The following MAML2 variants were observed in gnomAD, a reference collection of about 807,000 sequenced individuals.
MAML2 encodes the protein mastermind like transcriptional coactivator 2.
Under a neutral mutation model 96.1 loss-of-function variants are expected in MAML2, and 22 were observed. The observed-to-expected ratio is 0.23, with a 90% confidence interval of 0.16 to 0.33. The LOEUF (loss-of-function observed/expected upper bound fraction) is 0.33. MAML2 is among the 10% of genes least tolerant of loss of function. The probability of loss-of-function intolerance (pLI) is 1.00; values close to 1 mark genes in which losing one functional copy is unlikely to be tolerated. For synonymous variants in MAML2, 561 were observed against 521.3 expected (o/e 1.08, Z -1.04); for missense variants, 1,367 against 1,392.4 (o/e 0.98, Z 0.29).
rs371771349 is a variant in MAML2 at position 96,341,443 on chromosome 11, G to A, written c.453C>T (p.Asn151=). Residue 151 remains asparagine (N), a synonymous_variant, in exon 1 of 5, where the codon AAC becomes AAT. Coordinates refer to ENST00000524717, the MANE Select transcript of MAML2 (RefSeq NM_032427.4). ...TTGAAGCGGGCGGCTGCTGCTCTCCGTTTATCCCACCACTGCCACCATTAT... is the reference window on the plus strand; with the variant it reads ...TTGAAGCGGGCGGCTGCTGCTCTCCATTTATCCCACCACTGCCACCATTAT... ...SSNNGGSGGI[N]GEQQPPASTP... 2.6e-6 allele frequency: 4 copies of A among 1,550,644 alleles called. 1 individual carries two copies. The South Asian group carries it at 4.8e-5, about 18-fold the overall frequency.
intron 1 of MAML2, among the ~76,000 whole-genome samples, chr11:96,173,048 T>C (rs1347830912): frequency 6.6e-6 from 1 of 152,212 alleles, no homozygotes; most frequent in Non-Finnish European, 1.5e-5. Context: ...ATCATGATCG[T>C]TTTTGGCATT....
At chr11:96,322,657 A>C (rs369994838) in intron 1 of MAML2, among the ~76,000 whole-genome samples, 1 of 152,156 alleles carries the variant, frequency 6.6e-6, no homozygotes, top group South Asian at 2.1e-4. Flanking sequence ...GCGCCACTGC[A>C]CTCCACCCTG....
intron 2 of MAML2, among the ~76,000 whole-genome samples, chr11:96,064,584 C>T (rs1363198001): frequency 6.6e-6 from 1 of 152,130 alleles, no homozygotes; most frequent in Non-Finnish European, 1.5e-5. Context: ...GGGATCTTTC[C>T]ACCTCAGTAT....
chr11:96,335,278 T>A (rs1482692227), intron 1 of MAML2, among the ~76,000 whole-genome samples: 3 of 152,226 alleles, frequency 2.0e-5, no homozygotes, highest in Non-Finnish European at 4.4e-5. Flanking sequence ...TTGTTCATGA[T>A]TTTTTTAATA....
At position 96,091,873 on chromosome 11, in the gene MAML2, G is replaced by C. The variant is rs77959876; in HGVS notation, c.2139+19C>G. On this transcript the variant is annotated intron_variant, in intron 2 of 4. Coordinates refer to ENST00000524717, the MANE Select transcript of MAML2 (RefSeq NM_032427.4). ...AATGGTCTCTGGGAACTCTGTATTT[G>C]GAGTAGTAGAGCCCTTACCTGTCTC... 1.9e-6 allele frequency: 3 copies of C among 1,603,660 alleles called. No individual in the cohort carries two copies. In the East Asian group the frequency reaches 6.7e-5, roughly 36 times the overall value.
chr11:96,188,595 G>C (rs1458866074), intron 1 of MAML2, among the ~76,000 whole-genome samples: 1 of 151,906 alleles, frequency 6.6e-6, no homozygotes, highest in Non-Finnish European at 1.5e-5. Context: ...TTTTGAAAAC[G>C]TTAAGTCCTT....
chr11:96,276,080 A>G (rs1162197591), intron 1 of MAML2, among the ~76,000 whole-genome samples: 1 of 152,224 alleles, frequency 6.6e-6, no homozygotes, highest in Non-Finnish European at 1.5e-5. Context: ...GGATTTTGCT[A>G]TCTCATGTCC....
At chr11:96,276,799 C>T (rs1862994168) in intron 1 of MAML2, among the ~76,000 whole-genome samples, 1 of 143,688 alleles carries the variant, frequency 7.0e-6, no homozygotes. Flanking sequence ...TTCCTCCTCT[C>T]CATAGCTTCT....
At chr11:96,071,361 T>A (rs1188586595) in intron 2 of MAML2, among the ~76,000 whole-genome samples, 2 of 152,274 alleles carry the variant, frequency 1.3e-5, no homozygotes, top group South Asian at 2.1e-4. Flanking sequence ...AGGAAAGAGC[T>A]GTGTGGAAAA....
intron 1 of MAML2, among the ~76,000 whole-genome samples, chr11:96,215,368 C>T (rs1483968546): frequency 6.6e-6 from 1 of 152,202 alleles, no homozygotes; most frequent in African/African-American, 2.4e-5. Context: ...CAGCATATAA[C>T]ACAGAAGATT....
At chr11:96,128,692 C>T (rs572079257) in intron 1 of MAML2, among the ~76,000 whole-genome samples, 11 of 152,156 alleles carry the variant, frequency 7.2e-5, no homozygotes, top group East Asian at 3.9e-4. Context: ...TTCATAAACA[C>T]GTAAATAACT....
chr11:96,087,377 A>G (rs1244715625), intron 2 of MAML2, among the ~76,000 whole-genome samples: 1 of 152,210 alleles, frequency 6.6e-6, no homozygotes, highest in African/African-American at 2.4e-5. Context: ...TTAAAAGATA[A>G]ATGGTGAAAT....
At chr11:96,326,809 T>G (rs976391550) in intron 1 of MAML2, among the ~76,000 whole-genome samples, 1 of 150,886 alleles carries the variant, frequency 6.6e-6, no homozygotes, top group African/African-American at 2.5e-5. Flanking sequence ...AAAAAAACTA[T>G]CTTGAGTTTA....
intron 2 of MAML2, among the ~76,000 whole-genome samples, chr11:96,034,408 A>AGT (rs5793773): frequency 0.23 from 28,842 of 125,232 alleles, 3,586 homozygotes; most frequent in East Asian, 0.6. Context: ...AATACTTTGA[A>AGT]GTGTGTGTGT....
At position 96,004,450 on chromosome 11, in the gene MAML2, A is replaced by AC. The variant is rs35322852; in HGVS notation, c.2140-12728_2140-12727insG. Among the ~76,000 whole-genome samples, 500 of 152,212 alleles carry AC rather than the reference A, an allele frequency of 3.3e-3. 1 individual carries two copies. The highest frequency in any genetic ancestry group is 5.5e-3 in the Non-Finnish European group (377 of 67,986). Reference sequence around the variant, plus strand: ...TATATGATCTCTCCTTTGGGAATAAAAAAAACCCAGTATGTAATTTTGACT... The same window carrying AC: ...TATATGATCTCTCCTTTGGGAATAAACAAAAACCCAGTATGTAATTTTGACT... On this transcript the variant is annotated intron_variant, in intron 2 of 4. Transcript: ENST00000524717.
At position 96,034,852 on chromosome 11, in the gene MAML2, T is replaced by C. The variant is rs1858686957; in HGVS notation, c.2140-43129A>G. Among the ~76,000 whole-genome samples the C allele has an allele frequency of 2.6e-5, 4 of 152,296 alleles. No individual in the cohort carries two copies. The South Asian group carries it at 8.3e-4, about 32-fold the overall frequency. The stretch of plus-strand genomic sequence containing the variant: ...GGTCAGAGTTATTGGTTTGATCATA[T>C]AGGGCCAGTTAGCTTTTTCTTGGAC... On this transcript the variant is annotated intron_variant, in intron 2 of 4. Transcript: ENST00000524717.
At position 96,092,634 on chromosome 11, in the gene MAML2, G is replaced by A; in HGVS notation, c.1397C>T (p.Ser466Phe). 6.2e-7 allele frequency: 1 copy of A among 1,613,666 alleles called. No homozygotes were observed. Among genetic ancestry groups the A allele is most frequent in the Non-Finnish European group, 8.5e-7 (1 of 1,179,746 alleles). The change falls in exon 2 of 5, where the codon TCT (serine) becomes TTT (phenylalanine). Residue 466 changes from serine (S) to phenylalanine (F), a missense_variant. Transcript: ENST00000524717. This position sits in a 1 kb window ranked among gnomAD's most constrained non-coding sequence, Gnocchi z 4.1. ...TGGACCTGGTGATGGTCCAGCAGAA[G>A]AGGGCAAGGCTGACCAGTTGGTAGG... The part of the protein sequence containing the change: ...HQPTNWSALP[S>F]SAGPSPGPFG...
At position 95,986,166 on chromosome 11, in the gene MAML2, C is replaced by T. The variant is rs191398293; in HGVS notation, c.2344-524G>A. Among the ~76,000 whole-genome samples the T allele has an allele frequency of 2.0e-3, 310 of 152,210 alleles. 2 individuals are homozygous for T. Among genetic ancestry groups the T allele is most frequent in the African/African-American group, 7.1e-3 (295 of 41,532 alleles). On this transcript the variant is annotated intron_variant, in intron 3 of 4. Transcript: ENST00000524717. ...GGAGGTAGGGTTTTCAGATAAAATACAGAACATGTAGGTATTCTGTATTCT... is the reference window on the plus strand; with the variant it reads ...GGAGGTAGGGTTTTCAGATAAAATATAGAACATGTAGGTATTCTGTATTCT...
intron 1 of MAML2, among the ~76,000 whole-genome samples, chr11:96,146,003 C>T (rs1399917147): frequency 1.3e-5 from 2 of 151,234 alleles, no homozygotes; most frequent in Non-Finnish European, 2.9e-5. Flanking sequence ...AGCAAGACTC[C>T]GTCTCAAAAA....
Sources: allele counts gnomAD v4.1 joint callset (sites outside exome capture counted in the v4.1 genomes callset), GRCh38; gene constraint gnomAD v4.1.1; non-coding constraint Gnocchi (gnomAD v3.1); transcripts MANE v1.5; gene names NCBI Gene and HGNC (gene_info 2026-07-23, HGNC 2026-07-21).